The following PTPRG variants were observed in gnomAD, a reference collection of about 807,000 sequenced individuals.
PTPRG encodes receptor-type tyrosine-protein phosphatase gamma.
In PTPRG, 102 loss-of-function variants were observed where a neutral mutation model predicts 165.3. The ratio of observed to expected loss-of-function variants is 0.62; its 90% CI spans 0.53 to 0.73. The LOEUF (loss-of-function observed/expected upper bound fraction) is 0.73, where lower values mean the gene tolerates loss of function less well. Ranked by LOEUF, PTPRG falls within the 30% of genes least tolerant of loss-of-function variation. The probability of loss-of-function intolerance (pLI) is 0.00; values close to 1 mark genes in which losing one functional copy is unlikely to be tolerated. For missense variants in PTPRG, 1,866 were observed against 1,861.4 expected (o/e 1.00, Z -0.05); for synonymous variants, 675 against 669.5 (o/e 1.01, Z -0.13).
In PTPRG at chr3:62,195,197, C is replaced by G. The variant is rs748471631; in HGVS notation, c.1327+27C>G. On this transcript the variant is annotated intron_variant, in intron 10 of 29. Transcript: ENST00000474889. This position sits in a 1 kb window ranked among gnomAD's most constrained non-coding sequence, Gnocchi z 4.4. The stretch of plus-strand genomic sequence containing the variant: ...TGAGGCTGGCTTCCCCTCCTGTGGC[C>G]GGGGTGCCCCTGAGACTCCCTCCCA... 1 of 1,595,008 alleles carries G rather than the reference C, an allele frequency of 6.3e-7. No homozygotes were observed. The highest frequency in any genetic ancestry group is 1.1e-5 in the South Asian group (1 of 90,636).
intron 2 of PTPRG, among the ~76,000 whole-genome samples, chr3:61,923,446 G>A (rs2039129973): frequency 6.6e-6 from 1 of 151,316 alleles, no homozygotes; most frequent in Admixed American, 6.6e-5. Context: ...TAGGGTACAT[G>A]TGCACAACGA....
intron 4 of PTPRG, among the ~76,000 whole-genome samples, chr3:62,014,228 C>T (rs1189373482): frequency 2.6e-5 from 4 of 151,998 alleles, no homozygotes; most frequent in African/African-American, 7.3e-5. Context: ...TTTCATTGCA[C>T]CCCCCCTTTA....
chr3:62,087,569 C>T lies in PTPRG; in HGVS notation c.615+9311C>T, dbSNP rs148757292. ...CTGGGACCCCTCAAGGTATTATTAC[C>T]TCCATTTTATAGATGTGGAAGCTGA... On this transcript the variant is annotated intron_variant, in intron 5 of 29. Transcript: ENST00000474889. Among the ~76,000 whole-genome samples, 117 of 152,256 alleles carry T rather than the reference C, an allele frequency of 7.7e-4. 2 individuals carry two copies. In the East Asian group the frequency reaches 0.019, roughly 25 times the overall value.
chr3:62,116,350 T>C (rs1702869712), intron 5 of PTPRG, among the ~76,000 whole-genome samples: 6 of 152,216 alleles, frequency 3.9e-5, no homozygotes, highest in Admixed American at 3.3e-4. Flanking sequence ...ATGTGCTTTA[T>C]TGGCCGGAAA....
intron 2 of PTPRG, among the ~76,000 whole-genome samples, chr3:61,924,426 G>A (rs775337505): frequency 6.6e-6 from 1 of 152,218 alleles, no homozygotes; most frequent in Non-Finnish European, 1.5e-5. Context: ...GTCATTTTTA[G>A]CACATTCTAA....
chr3:61,752,802 G>GAAAAGAAA (rs1553660820), intron 2 of PTPRG, among the ~76,000 whole-genome samples: 2,495 of 103,720 alleles, frequency 0.024, 62 homozygotes, highest in Non-Finnish European at 0.033. Context: ...AAAAAAAAAA[G>GAAAAGAAA]AAAAAAAAAA....
At chr3:62,171,352 T>G (rs1170831961) in intron 8 of PTPRG, among the ~76,000 whole-genome samples, 8 of 152,240 alleles carry the variant, frequency 5.3e-5, no homozygotes, top group Non-Finnish European at 1.2e-4. Context: ...AAAGTGACTG[T>G]ATGTGCCACT....
At chr3:61,583,866 A>G (rs1282891799) in intron 1 of PTPRG, among the ~76,000 whole-genome samples, 4 of 152,144 alleles carry the variant, frequency 2.6e-5, no homozygotes, top group African/African-American at 9.7e-5. Context: ...CTCTCAATAC[A>G]TTCTTTTAAT....
At chr3:61,747,833 T>G (rs2033270192) in intron 1 of PTPRG, among the ~76,000 whole-genome samples, 1 of 152,124 alleles carries the variant, frequency 6.6e-6, no homozygotes, top group African/African-American at 2.4e-5. Flanking sequence ...TTTGTTTAGG[T>G]GCATTTAAAT....
intron 7 of PTPRG, among the ~76,000 whole-genome samples, chr3:62,159,384 C>T (rs1191346275): frequency 1.5e-4 from 23 of 152,038 alleles, no homozygotes; most frequent in Admixed American, 1.5e-3. Context: ...GATTTGGCTA[C>T]TTTTCATATA....
At chr3:61,865,250 C>A (rs2037372278) in intron 2 of PTPRG, among the ~76,000 whole-genome samples, 1 of 152,120 alleles carries the variant, frequency 6.6e-6, no homozygotes, top group Non-Finnish European at 1.5e-5. Context: ...TCTAGCCACC[C>A]ATGCCAAACC....
intron 2 of PTPRG, among the ~76,000 whole-genome samples, chr3:61,873,445 T>C (rs1446358275): frequency 6.6e-6 from 1 of 152,134 alleles, no homozygotes. Context: ...CAAAAAAATA[T>C]AGACATAGCA....
chr3:61,745,873 C>G (rs769997358), intron 1 of PTPRG, among the ~76,000 whole-genome samples: 3 of 152,078 alleles, frequency 2.0e-5, no homozygotes, highest in African/African-American at 4.8e-5. Context: ...TTAAAGCATA[C>G]GATGGGTGTC....
chr3:61,756,724 G>A (rs549656652), intron 2 of PTPRG, among the ~76,000 whole-genome samples: 1 of 152,222 alleles, frequency 6.6e-6, no homozygotes, highest in South Asian at 2.1e-4. Flanking sequence ...TGTGACCATT[G>A]GAAAAGTCTA....
chr3:61,876,424 G>A (rs182617218), intron 2 of PTPRG, among the ~76,000 whole-genome samples: 10 of 152,186 alleles, frequency 6.6e-5, no homozygotes, highest in Admixed American at 3.9e-4. Context: ...TGTCACGCTC[G>A]TGTCAATTTC....
rs1405743529 is a variant in PTPRG, at chr3:62,219,009, A to C, written c.2288+26A>C. ...GTAAGCCAGGCAGCACCTACAGCGT[A>C]GATTTGGGGGCCAGATGCTGGCCAG... On this transcript the variant is annotated intron_variant, in intron 13 of 29. Transcript: ENST00000474889. This position sits in a 1 kb window ranked among gnomAD's most constrained non-coding sequence, Gnocchi z 4.5. The C allele has an allele frequency of 6.2e-7, 1 of 1,611,012 alleles. No homozygotes were observed. The highest frequency in any genetic ancestry group is 8.5e-7 in the Non-Finnish European group (1 of 1,178,686).
chr3:61,953,114 A>G (rs1230036765), intron 2 of PTPRG, among the ~76,000 whole-genome samples: 1 of 151,906 alleles, frequency 6.6e-6, no homozygotes, highest in Non-Finnish European at 1.5e-5. Context: ...TTTTCCCTAC[A>G]CCTACTGCTG....
intron 2 of PTPRG, among the ~76,000 whole-genome samples, chr3:61,777,815 C>G (rs645957): frequency 0.85 from 129,913 of 152,168 alleles, 55,598 homozygotes; most frequent in East Asian, 0.94. Flanking sequence ...GTAATCACAT[C>G]ATCTGTTCAC....
chr3:61,602,035 T>G (rs1400015914), intron 1 of PTPRG, among the ~76,000 whole-genome samples: 2 of 152,170 alleles, frequency 1.3e-5, no homozygotes, highest in Non-Finnish European at 2.9e-5. Flanking sequence ...GAAACAGTGG[T>G]GGAATTCCCA....
Sources: gnomAD v4.1 joint callset for allele counts (sites outside exome capture counted in the v4.1 genomes callset) on GRCh38, gnomAD v4.1.1 for gene constraint, Gnocchi (gnomAD v3.1) non-coding constraint, MANE v1.5 for transcripts, NCBI Gene and HGNC (gene_info 2026-07-23, HGNC 2026-07-21) for gene names.